The following ZNF429 variants were observed in gnomAD, a reference collection of about 807,000 sequenced individuals.
ZNF429 encodes the protein zinc finger protein 429.
Under a neutral mutation model 56.8 loss-of-function variants are expected in ZNF429, and 53 were observed. That is an observed-to-expected ratio of 0.93 (90% CI 0.75 to 1.17). ZNF429 has a LOEUF of 1.17. Among genes scored for constraint, ZNF429 ranks in the 50% most tolerant of loss-of-function variants. ZNF429 has a pLI of 0.00. For missense variants in ZNF429, 849 were observed against 788.4 expected, an observed-to-expected ratio of 1.08 and a Z score of -0.92; for synonymous variants, 278 against 264.7, an observed-to-expected ratio of 1.05 and a Z score of -0.49.
At position 21,539,387 on chromosome 19, in the gene ZNF429, T is replaced by C. The variant is rs1000211023; in HGVS notation, c.*1309T>C. Among the ~76,000 whole-genome samples, 6 of 151,574 alleles carry C rather than the reference T, an allele frequency of 4.0e-5. No homozygotes were observed. Among genetic ancestry groups the C allele is most frequent in the Non-Finnish European group, 5.9e-5 (4 of 67,882 alleles). On this transcript the variant is annotated 3_prime_UTR_variant, in exon 4 of 4. Coordinates refer to ENST00000358491, the MANE Select transcript of ZNF429 (RefSeq NM_001001415.4). ...TATTTGTATATAACTTTTAAAAGAG[T>C]GGAAGATATTTTGCAAAGTTATATT...
At position 21,517,934 on chromosome 19, in the gene ZNF429, C is replaced by T. The variant is rs558028114; in HGVS notation, c.4-11724C>T. Among the ~76,000 whole-genome samples the T allele has an allele frequency of 6.7e-4, 101 of 151,836 alleles. 2 individuals carry two copies. The Middle Eastern group carries it at 0.014, about 20-fold the overall frequency. On this transcript the variant is annotated intron_variant, in intron 1 of 3. Coordinates refer to ENST00000358491, the MANE Select transcript of ZNF429 (RefSeq NM_001001415.4). ...TCTGCCTCCTGAGTAGATGGGACTA[C>T]GGGCACCCGCCACCATGCCTGGCTA...
chr19:21,528,576 G>GA (rs1401906343), intron 1 of ZNF429, among the ~76,000 whole-genome samples: 1 of 151,986 alleles, frequency 6.6e-6, no homozygotes, highest in Non-Finnish European at 1.5e-5. Context: ...GTGGTGGCAG[G>GA]TGCCTGTAAT....
chr19:21,513,796 C>G lies in ZNF429; in HGVS notation c.3+8022C>G, dbSNP rs531718844. On this transcript the variant is annotated intron_variant, in intron 1 of 3. Coordinates refer to ENST00000358491, the MANE Select transcript of ZNF429 (RefSeq NM_001001415.4). ...AGGATGAAAACTTAGAGGGAACGAT[C>G]TCTGATGACAGACTCCCTTTTCCTG... is the stretch of plus-strand genomic sequence containing the variant. 2.6e-5 allele frequency among the ~76,000 whole-genome samples: 4 copies of G among 152,260 alleles called. No homozygotes were observed. The South Asian group carries it at 8.3e-4, about 32-fold the overall frequency.
rs200113769 is a variant in ZNF429, at chr19:21,536,638, T to A, written c.585T>A (p.His195Gln). Residue 195 changes from histidine to glutamine, a missense_variant, in exon 4 of 4, where the codon CAT (histidine) becomes CAA (glutamine). His to Gln is a conservative substitution (Grantham distance 24). Transcript: ENST00000358491. ...AACTAACTCAACATAAGAAAATTCA[T>A]ATTAGAGAGAATACCTACAGATGTA... ...LSQLTQHKKI[H>Q]IRENTYRCKE... is the part of the protein sequence containing the mutation. 5.7e-3 allele frequency: 9,247 copies of A among 1,613,962 alleles called. 36 individuals are homozygous for A. The highest frequency in any genetic ancestry group is 7.1e-3 in the Non-Finnish European group (8,364 of 1,179,918).
intron 1 of ZNF429, among the ~76,000 whole-genome samples, chr19:21,527,961 T>C (rs2145458540): frequency 6.6e-6 from 1 of 152,340 alleles, no homozygotes; most frequent in South Asian, 2.1e-4. Flanking sequence ...CCTTTACTTC[T>C]CTACTTGTAT....
intron 3 of ZNF429, among the ~76,000 whole-genome samples, chr19:21,535,439 TC>T: frequency 1.4e-5 from 1 of 71,116 alleles, no homozygotes; most frequent in African/African-American, 7.1e-5. Flanking sequence ...TTTCTTTCTT[TC>T]TTTCTTTCTT....
intron 3 of ZNF429, among the ~76,000 whole-genome samples, chr19:21,532,127 A>T: frequency 6.6e-6 from 1 of 152,192 alleles, no homozygotes; most frequent in African/African-American, 2.4e-5. Context: ...AAAGAAATTT[A>T]AAAAGACGTA....
intron 1 of ZNF429, among the ~76,000 whole-genome samples, chr19:21,509,037 A>T (rs1458555904): frequency 2.0e-5 from 3 of 150,840 alleles, no homozygotes; most frequent in Non-Finnish European, 4.4e-5. Context: ...TTTTTTTGAA[A>T]TGGAGTCTTG....
chr19:21,531,563 G>T, intron 3 of ZNF429, among the ~76,000 whole-genome samples: 1 of 152,070 alleles, frequency 6.6e-6, no homozygotes, highest in Non-Finnish European at 1.5e-5. Flanking sequence ...CAGCACTTCA[G>T]GAGGCCAAGG....
chr19:21,510,751 G>A (rs2145416229), intron 1 of ZNF429, among the ~76,000 whole-genome samples: 1 of 151,686 alleles, frequency 6.6e-6, no homozygotes, highest in South Asian at 2.1e-4. Flanking sequence ...TTGTGTCCCT[G>A]GGTACTTGAG....
chr19:21,530,058 G>A, intron 2 of ZNF429, among the ~76,000 whole-genome samples: 1 of 152,052 alleles, frequency 6.6e-6, no homozygotes, highest in African/African-American at 2.4e-5. Context: ...GGGCACAGTG[G>A]CAGGCACCTG....
intron 1 of ZNF429, among the ~76,000 whole-genome samples, chr19:21,527,816 G>A (rs1287856868): frequency 1.3e-5 from 2 of 152,124 alleles, no homozygotes; most frequent in Admixed American, 6.6e-5. Context: ...TTTGTTTGGA[G>A]CATGTCATCT....
chr19:21,510,675 A>G (rs2032410640), intron 1 of ZNF429, among the ~76,000 whole-genome samples: 1 of 151,762 alleles, frequency 6.6e-6, no homozygotes, highest in Admixed American at 6.6e-5. Context: ...GAAGGTCAGC[A>G]GATAAACAAG....
intron 1 of ZNF429, among the ~76,000 whole-genome samples, chr19:21,512,466 C>A (rs1319722018): frequency 6.6e-6 from 1 of 151,726 alleles, no homozygotes; most frequent in Non-Finnish European, 1.5e-5. Flanking sequence ...TCGAGACCAG[C>A]CTGACCAACA....
In ZNF429 at chr19:21,536,712, A is replaced by G. The variant is rs780017355; in HGVS notation, c.659A>G (p.Lys220Arg). Residue 220 changes from lysine to arginine, a missense_variant, in exon 4 of 4, where the codon AAG (lysine) becomes AGG (arginine). Physicochemically the swap from Lys to Arg is conservative, Grantham distance 26. Transcript: ENST00000358491. ...FNQSSALTNH[K>R]RIYVGEKHYR... ...CAGTCCTCAGCCCTTACTAACCATAAGAGAATTTATGTTGGTGAGAAACAC... is the reference window on the plus strand; with the variant it reads ...CAGTCCTCAGCCCTTACTAACCATAGGAGAATTTATGTTGGTGAGAAACAC... 3 of 1,614,036 alleles carry G rather than the reference A, an allele frequency of 1.9e-6. No individual in the cohort carries two copies. The East Asian group carries it at 6.7e-5, about 36-fold the overall frequency.
chr19:21,535,927 T>C, intron 3 of ZNF429, among the ~76,000 whole-genome samples: 1 of 152,182 alleles, frequency 6.6e-6, no homozygotes, highest in Non-Finnish European at 1.5e-5. Context: ...TTCTTGTCTT[T>C]TAAAAACAAA....
At position 21,536,636 on chromosome 19, in the gene ZNF429, C is replaced by T; in HGVS notation, c.583C>T (p.His195Tyr). Reference sequence around the variant, plus strand: ...ACAACTAACTCAACATAAGAAAATTCATATTAGAGAGAATACCTACAGATG... The same window carrying T: ...ACAACTAACTCAACATAAGAAAATTTATATTAGAGAGAATACCTACAGATG... ...LSQLTQHKKIHIRENTYRCKE... is the reference protein window; with the variant it reads ...LSQLTQHKKIYIRENTYRCKE... Residue 195 changes from histidine to tyrosine, a missense_variant, in exon 4 of 4, where the codon CAT (histidine) becomes TAT (tyrosine). His to Tyr is a moderately conservative substitution (Grantham distance 83). Coordinates refer to ENST00000358491, the MANE Select transcript of ZNF429 (RefSeq NM_001001415.4). 6 of 1,613,560 alleles carry T rather than the reference C, an allele frequency of 3.7e-6. No individual in the cohort carries two copies. The highest frequency in any genetic ancestry group is 5.1e-6 in the Non-Finnish European group (6 of 1,179,792).
intron 1 of ZNF429, among the ~76,000 whole-genome samples, chr19:21,516,642 C>T (rs1314886622): frequency 2.0e-5 from 3 of 151,956 alleles, no homozygotes; most frequent in African/African-American, 4.8e-5. Context: ...TAGTTCTTGT[C>T]GTAGAGATTT....
intron 3 of ZNF429, among the ~76,000 whole-genome samples, chr19:21,533,669 T>G: frequency 1.3e-5 from 2 of 152,268 alleles, no homozygotes; most frequent in South Asian, 2.1e-4. Flanking sequence ...CTTTTGTTTT[T>G]TTTCAATACA....
Sources: allele counts gnomAD v4.1 joint callset (sites outside exome capture counted in the v4.1 genomes callset), GRCh38; gene constraint gnomAD v4.1.1; transcripts MANE v1.5; gene names NCBI Gene and HGNC (gene_info 2026-07-23, HGNC 2026-07-21).